The following EIF4ENIF1 variants were observed in gnomAD, a reference collection of about 807,000 sequenced individuals.
EIF4ENIF1 encodes eukaryotic translation initiation factor 4E transporter.
Under a neutral mutation model 110.5 loss-of-function variants are expected in EIF4ENIF1, and 23 were observed. The observed-to-expected ratio is 0.21, with a 90% CI of 0.15 to 0.29. The LOEUF is 0.29. EIF4ENIF1 is among the 10% of genes least tolerant of loss of function. The pLI is 1.00. For synonymous variants in EIF4ENIF1, 440 were observed against 437.0 expected, an observed-to-expected ratio of 1.01 and a Z score of -0.09; for missense variants, 1,031 against 1,221.1, an observed-to-expected ratio of 0.84 and a Z score of 2.32.
intron 10 of EIF4ENIF1, chr22:31,450,837 T>C (rs1393565150): frequency 3.9e-4 from 61 of 157,754 alleles, no homozygotes; most frequent in African/African-American, 1.5e-3. Context: ...CACACATATA[T>C]ATATACTACA....
At chr22:31,472,486 C>G (rs1441138502) in intron 2 of EIF4ENIF1, among the ~76,000 whole-genome samples, 2 of 152,128 alleles carry the variant, frequency 1.3e-5, no homozygotes, top group African/African-American at 4.8e-5. Flanking sequence ...CCGGGCTGGT[C>G]TCAAACCCCT....
At chr22:31,464,270 C>A (rs2145992268) in intron 4 of EIF4ENIF1, 1 of 289,782 alleles carries the variant, frequency 3.5e-6, no homozygotes, top group Non-Finnish European at 6.4e-6. Flanking sequence ...AATGTTTTGT[C>A]AACTAATAAA....
intron 6 of EIF4ENIF1, among the ~76,000 whole-genome samples, chr22:31,460,931 C>G (rs1401414427): frequency 6.6e-6 from 1 of 152,018 alleles, no homozygotes; most frequent in Non-Finnish European, 1.5e-5. Flanking sequence ...GGCAACAAAG[C>G]AAGACTCCAT....
At chr22:31,444,549 G>A in intron 15 of EIF4ENIF1, 57 bp downstream of exon 15, 1 of 1,539,668 alleles carries the variant, frequency 6.5e-7, no homozygotes, top group South Asian at 1.1e-5. Context: ...TACAATCCAT[G>A]CACAACCAAA....
chr22:31,442,825 G>A, intron 16 of EIF4ENIF1, 137 bp downstream of exon 16: 1 of 1,175,894 alleles, frequency 8.5e-7, no homozygotes, highest in Admixed American at 2.4e-5. Flanking sequence ...CCTTCTCACT[G>A]ACACAGAACC....
In EIF4ENIF1 at chr22:31,455,199, T is replaced by C; in HGVS notation, c.1216A>G (p.Lys406Glu). 3 of 1,614,024 alleles carry C rather than the reference T, an allele frequency of 1.9e-6. No individual in the cohort carries two copies. The highest frequency in any genetic ancestry group is 2.5e-6 in the Non-Finnish European group (3 of 1,179,982). The change falls in exon 9 of 19, where the codon AAA becomes GAA. Residue 406 changes from lysine (K) to glutamate (E), a missense_variant. Physicochemically the swap from Lys to Glu is moderately conservative, Grantham distance 56. This residue lies in a region of EIF4ENIF1 where 704 missense variants were observed against 879.7 expected (regional missense o/e 0.80). Transcript: ENST00000330125. ...VDILEMLQKA[K>E]VDLKPLLSSL... ...GAAAGAAGAGGTTTCAAATCCACTT[T>C]GGCTTTCTGTAGCATTTCTAAAATA...
At chr22:31,451,563 C>T (rs570341384) in intron 10 of EIF4ENIF1, among the ~76,000 whole-genome samples, 5 of 152,208 alleles carry the variant, frequency 3.3e-5, no homozygotes, top group East Asian at 1.9e-4. Flanking sequence ...CATGAGCCAC[C>T]GCACCCGGCA....
chr22:31,487,765 C>T (rs921482568), intron 2 of EIF4ENIF1, among the ~76,000 whole-genome samples: 2 of 141,428 alleles, frequency 1.4e-5, no homozygotes, highest in Non-Finnish European at 3.0e-5. Context: ...ATTCCAGCCT[C>T]GGCGACAAAG....
At chr22:31,473,955 A>G (rs997744698) in intron 2 of EIF4ENIF1, among the ~76,000 whole-genome samples, 1 of 151,906 alleles carries the variant, frequency 6.6e-6, no homozygotes, top group Non-Finnish European at 1.5e-5. Flanking sequence ...TCCACTCTCC[A>G]TATTTACCAG....
intron 12 of EIF4ENIF1, among the ~76,000 whole-genome samples, chr22:31,449,011 A>G (rs1294596365): frequency 6.6e-6 from 1 of 152,102 alleles, no homozygotes; most frequent in East Asian, 1.9e-4. Flanking sequence ...CCCCAAAAGT[A>G]TATTTATTTA....
chr22:31,472,736 T>C (rs2051426592), intron 2 of EIF4ENIF1, among the ~76,000 whole-genome samples: 1 of 152,228 alleles, frequency 6.6e-6, no homozygotes, highest in Non-Finnish European at 1.5e-5. Context: ...ATGTGATATT[T>C]TGTTACATGT....
intron 11 of EIF4ENIF1, 117 bp downstream of exon 11, chr22:31,450,172 C>A: frequency 1.3e-6 from 1 of 771,296 alleles, no homozygotes; most frequent in Non-Finnish European, 2.2e-6. Flanking sequence ...TATCACCTCT[C>A]TGATTGCCAG....
chr22:31,455,578 T>C (rs1333136610), intron 8 of EIF4ENIF1, among the ~76,000 whole-genome samples: 2 of 152,124 alleles, frequency 1.3e-5, no homozygotes, highest in Non-Finnish European at 2.9e-5. Flanking sequence ...TTTGTATTTT[T>C]AGTAGAGATG....
Position 31,462,105 on chromosome 22 carries a change from A to G in EIF4ENIF1, c.787+827T>C, listed in dbSNP as rs376835511. ...TTCATGTACACAGTCCTCTTACAGG[A>G]TAACTTCAGACTTTTCTGTTTAGTG... On this transcript the variant is annotated intron_variant, in intron 6 of 18. Transcript: ENST00000330125. 6.6e-5 allele frequency among the ~76,000 whole-genome samples: 10 copies of G among 152,180 alleles called. No homozygotes were observed. In the East Asian group the frequency reaches 1.3e-3, roughly 21 times the overall value.
intron 4 of EIF4ENIF1, 42 bp from the exon 5 acceptor site, chr22:31,464,009 G>T: frequency 6.3e-7 from 1 of 1,575,584 alleles, no homozygotes; most frequent in Non-Finnish European, 8.6e-7. Context: ...AAACCAACAA[G>T]GGTGTTTTCT....
Position 31,439,484 on chromosome 22 carries a change from A to G in EIF4ENIF1, c.*396T>C. 2 of 166,446 alleles carry G rather than the reference A, an allele frequency of 1.2e-5. No homozygotes were observed. The highest frequency in any genetic ancestry group is 1.8e-4 in the East Asian group (1 of 5,508). 10.3% of individuals were successfully genotyped at this position (166,446 alleles called of 1,614,324 possible). A position where few individuals can be genotyped will look rare whatever the true frequency, so the allele number is the denominator to read the frequency against. The stretch of plus-strand genomic sequence containing the variant: ...TAACTAATATCAGCTACTTTTATGT[A>G]CAGCTGTATAGTTCAAAAAAGCTAT... On this transcript the variant is annotated 3_prime_UTR_variant, in exon 19 of 19. Transcript: ENST00000330125.
At chr22:31,444,534 A>G (rs1304008070) in intron 15 of EIF4ENIF1, 72 bp downstream of exon 15, 2 of 1,425,354 alleles carry the variant, frequency 1.4e-6, no homozygotes, top group Non-Finnish European at 2.0e-6. Context: ...TAGGGCACAC[A>G]GTGGTACAAT....
chr22:31,443,086 A>G lies in EIF4ENIF1; in HGVS notation c.2082T>C (p.Pro694=), dbSNP rs1181976020. The part of the protein sequence containing the change: ...PAASITSMLS[P]SFTPTSVIRK... The stretch of plus-strand genomic sequence containing the variant: ...GAATCACTGAGGTAGGGGTAAAGGA[A>G]GGAGAAAGCTGCAGAGAAAAACAAT... Residue 694 remains proline, a synonymous_variant, in exon 16 of 19, where the codon CCT becomes CCC. Transcript: ENST00000330125. The G allele has an allele frequency of 5.0e-6, 8 of 1,613,956 alleles. No individual in the cohort carries two copies. The highest frequency in any genetic ancestry group is 4.4e-5 in the South Asian group (4 of 91,046).
At position 31,464,137 on chromosome 22, in the gene EIF4ENIF1, T is replaced by C. The variant is rs536592300; in HGVS notation, c.299-170A>G. The C allele has an allele frequency of 1.2e-3, 926 of 760,684 alleles. 5 individuals are homozygous for C. Among genetic ancestry groups the C allele is most frequent in the South Asian group, 1.2e-3 (61 of 49,388 alleles). The allele number at this position is 760,684 out of a possible 1,614,324, so 47.1% of individuals were successfully genotyped here. On this transcript the variant is annotated intron_variant, in intron 4 of 18. Transcript: ENST00000330125. ...GTAACATGTACATTATGTATTTAAA[T>C]AAGGCTGAGACATTGGCCTTCCTCT...
Sources: gnomAD v4.1 joint callset for allele counts (sites outside exome capture counted in the v4.1 genomes callset) on GRCh38, gnomAD v4.1.1 for gene constraint, gnomAD v4.1.1 regional missense constraint, MANE v1.5 for transcripts, NCBI Gene and HGNC (gene_info 2026-07-23, HGNC 2026-07-21) for gene names.